GAD2: variants seen among roughly 807,000 people sequenced by gnomAD.
GAD2 encodes 65 kDa glutamic acid decarboxylase.
Under a neutral mutation model 80.1 loss-of-function variants are expected in GAD2, and 22 were observed. The observed-to-expected ratio is 0.27, with a 90% confidence interval of 0.20 to 0.39. The LOEUF is 0.39. Ranked by LOEUF, GAD2 falls within the 10% of genes least tolerant of loss-of-function variation. The pLI, the probability that GAD2 is intolerant of heterozygous loss-of-function variation, is 1.00. For missense variants in GAD2, 624 were observed against 738.4 expected (o/e 0.85, Z 1.80); for synonymous variants, 274 against 256.9 (o/e 1.07, Z -0.64).
intron 8 of GAD2, among the ~76,000 whole-genome samples, chr10:26,254,185 C>T (rs994961377): frequency 2.0e-5 from 3 of 152,146 alleles, no homozygotes; most frequent in South Asian, 2.1e-4. Context: ...TACAGGCTCA[C>T]GCCAGCACGC....
chr10:26,277,949 C>G (rs773393700), intron 11 of GAD2, among the ~76,000 whole-genome samples: 2 of 151,752 alleles, frequency 1.3e-5, no homozygotes, highest in Non-Finnish European at 2.9e-5. Flanking sequence ...GCCGCATGAC[C>G]GAATCCCACA....
intron 8 of GAD2, among the ~76,000 whole-genome samples, chr10:26,263,094 T>G (rs545524038): frequency 6.6e-6 from 1 of 152,314 alleles, no homozygotes; most frequent in African/African-American, 2.4e-5. Flanking sequence ...AGTCATAGTA[T>G]GTGTGCTAAG....
At chr10:26,241,164 T>C (rs1451260821) in intron 7 of GAD2, among the ~76,000 whole-genome samples, 4 of 152,238 alleles carry the variant, frequency 2.6e-5, no homozygotes, top group Non-Finnish European at 5.9e-5. Context: ...AGAAATATGA[T>C]TTAATCCTAA....
intron 8 of GAD2, among the ~76,000 whole-genome samples, chr10:26,252,020 C>T (rs893222936): frequency 1.3e-5 from 2 of 152,178 alleles, no homozygotes; most frequent in African/African-American, 2.4e-5. Flanking sequence ...TTGTAAAAGT[C>T]AGATGTACAG....
At chr10:26,292,828 C>A in intron 14 of GAD2, 74 bp from the exon 15 acceptor site, 1 of 1,223,990 alleles carries the variant, frequency 8.2e-7, no homozygotes, top group South Asian at 1.2e-5. Context: ...CTGAATACAT[C>A]GATTTGAAAT....
At position 26,281,701 on chromosome 10, in the gene GAD2, A is replaced by T. The variant is rs550073010; in HGVS notation, c.1236+614A>T. On this transcript the variant is annotated intron_variant, in intron 12 of 15. Coordinates refer to ENST00000376261, the MANE Select transcript of GAD2 (RefSeq NM_001134366.2). Reference sequence around the variant, plus strand: ...TCATGAATGAAACCATCTTGAAACCATCTTGAAAGATGGTTCTGTTCACCA... The same window carrying T: ...TCATGAATGAAACCATCTTGAAACCTTCTTGAAAGATGGTTCTGTTCACCA... 6.6e-4 allele frequency among the ~76,000 whole-genome samples: 101 copies of T among 152,318 alleles called. 1 individual carries two copies. The highest frequency in any genetic ancestry group is 2.0e-4 in the Admixed American group (3 of 15,310).
At chr10:26,224,749 T>A in intron 6 of GAD2, 98 bp downstream of exon 6, 1 of 798,202 alleles carries the variant, frequency 1.3e-6, no homozygotes, top group Non-Finnish European at 2.1e-6. Flanking sequence ...ATGCCTCTGC[T>A]TAGGTTAAAT....
intron 8 of GAD2, among the ~76,000 whole-genome samples, chr10:26,252,361 G>A (rs1423806299): frequency 7.0e-6 from 1 of 143,644 alleles, no homozygotes; most frequent in Non-Finnish European, 1.5e-5. Flanking sequence ...TTTTCTTTTT[G>A]AGACAAGGTC....
At chr10:26,250,791 G>C (rs373482611) in intron 8 of GAD2, among the ~76,000 whole-genome samples, 4 of 151,386 alleles carry the variant, frequency 2.6e-5, no homozygotes, top group African/African-American at 9.7e-5. Flanking sequence ...TAGTTCCACT[G>C]TACAAAGATC....
intron 7 of GAD2, among the ~76,000 whole-genome samples, chr10:26,242,041 C>A (rs182901510): frequency 1.3e-5 from 2 of 152,222 alleles, no homozygotes; most frequent in East Asian, 1.9e-4. Flanking sequence ...AGTGCAGTGG[C>A]GTGATCTTGG....
At chr10:26,269,055 C>T (rs764592747) in intron 8 of GAD2, 64 bp from the exon 9 acceptor site, 13 of 1,309,534 alleles carry the variant, frequency 9.9e-6, no homozygotes, top group Non-Finnish European at 1.4e-5. Context: ...CCTGCGGCCA[C>T]TTACGTTGTA....
intron 8 of GAD2, among the ~76,000 whole-genome samples, chr10:26,248,742 C>T (rs1479852922): frequency 6.6e-6 from 1 of 152,122 alleles, no homozygotes; most frequent in Non-Finnish European, 1.5e-5. Flanking sequence ...TTACCACTTT[C>T]TTGTTTACAC....
intron 8 of GAD2, among the ~76,000 whole-genome samples, chr10:26,247,854 C>A (rs1423270682): frequency 1.0e-4 from 15 of 147,060 alleles, no homozygotes; most frequent in African/African-American, 3.8e-4. Context: ...CGAGATCATG[C>A]CATTGCACTC....
chr10:26,223,774 A>G (rs569122103), intron 4 of GAD2, 113 bp from the exon 5 acceptor site: 2 of 652,510 alleles, frequency 3.1e-6, no homozygotes, highest in Admixed American at 2.4e-5. Flanking sequence ...CTACTTATGG[A>G]TTTCCTGTTA....
At chr10:26,262,838 T>C (rs1845024446) in intron 8 of GAD2, among the ~76,000 whole-genome samples, 1 of 150,322 alleles carries the variant, frequency 6.7e-6, no homozygotes, top group South Asian at 2.1e-4. Flanking sequence ...ACTTGAACCT[T>C]TTATCATAAT....
At chr10:26,224,712 A>T in intron 6 of GAD2, 61 bp downstream of exon 6, 1 of 1,217,364 alleles carries the variant, frequency 8.2e-7, no homozygotes, top group South Asian at 1.2e-5. Context: ...CTTGTTGTAA[A>T]CCTAGGGAAG....
intron 8 of GAD2, among the ~76,000 whole-genome samples, chr10:26,265,871 C>A (rs1845067290): frequency 6.6e-6 from 1 of 152,230 alleles, no homozygotes; most frequent in South Asian, 2.1e-4. Context: ...CCAATTGTCT[C>A]TGTCCCCGCA....
intron 11 of GAD2, among the ~76,000 whole-genome samples, chr10:26,276,781 A>G (rs1452892454): frequency 6.6e-6 from 1 of 152,164 alleles, no homozygotes; most frequent in Non-Finnish European, 1.5e-5. Context: ...TCAAGGCTTT[A>G]AGTCGCAGCT....
chr10:26,267,188 G>C lies in GAD2; in HGVS notation c.921-1931G>C, dbSNP rs16926745. ...AAGGTGTTTAGCTTTTGGTAAAGTT[G>C]GGTAAAATTCAAGATTTGCAAAAAA... is the stretch of plus-strand genomic sequence containing the variant. On this transcript the variant is annotated intron_variant, in intron 8 of 15. Transcript: ENST00000376261. Among the ~76,000 whole-genome samples the C allele has an allele frequency of 4.3e-3, 651 of 152,194 alleles. 4 individuals are homozygous for C. The highest frequency in any genetic ancestry group is 0.015 in the African/African-American group (624 of 41,526).
Sources: gnomAD v4.1 joint callset for allele counts (sites outside exome capture counted in the v4.1 genomes callset) on GRCh38, gnomAD v4.1.1 for gene constraint, MANE v1.5 for transcripts, NCBI Gene and HGNC (gene_info 2026-07-23, HGNC 2026-07-21) for gene names.